The following TBC1D19 variants were observed in gnomAD, a reference collection of about 807,000 sequenced individuals.
The protein encoded by TBC1D19 is TBC1 domain family, member 19.
A neutral mutation model predicts 89.0 loss-of-function variants in TBC1D19; 60 were observed. The observed-to-expected ratio is 0.67, with a 90% CI of 0.55 to 0.84. TBC1D19 has a LOEUF of 0.84. Among genes scored for constraint, TBC1D19 ranks in the 40% least tolerant of loss-of-function variants. TBC1D19 has a pLI of 0.00. For missense variants in TBC1D19, 500 were observed against 610.8 expected (o/e 0.82, Z 1.91); for synonymous variants, 189 against 199.7 (o/e 0.95, Z 0.45).
the TBC1D19 span, among the ~76,000 whole-genome samples, chr4:26,840,484 G>A: frequency 2.6e-5 from 4 of 152,158 alleles, no homozygotes; most frequent in East Asian, 3.9e-4. Context: ...ATGAGTCTAT[G>A]GTTCTCTTGC....
the TBC1D19 span, among the ~76,000 whole-genome samples, chr4:26,856,824 C>T: frequency 6.6e-6 from 1 of 150,440 alleles, no homozygotes; most frequent in Non-Finnish European, 1.5e-5. Flanking sequence ...CAGTATAGAG[C>T]AAACACATCC....
chr4:26,748,625 C>T, intron 19 of TBC1D19, 99 bp downstream of exon 19: 1 of 888,042 alleles, frequency 1.1e-6, no homozygotes, highest in Non-Finnish European at 1.8e-6. Flanking sequence ...TTATTTGTCA[C>T]TTCTAATTCA....
At chr4:26,754,230 C>A in intron 20 of TBC1D19, 1 of 205,048 alleles carries the variant, frequency 4.9e-6, no homozygotes, top group Non-Finnish European at 1.0e-5. Flanking sequence ...AGAAGAAAAA[C>A]CACTTGAGAG....
chr4:26,590,827 T>TTTTTGG (rs1739743499), intron 1 of TBC1D19, among the ~76,000 whole-genome samples: 2 of 124,044 alleles, frequency 1.6e-5, no homozygotes, highest in African/African-American at 5.7e-5. Context: ...TTTTTTTTTT[T>TTTTTGG]GTGAGTCAGT....
intron 15 of TBC1D19, among the ~76,000 whole-genome samples, chr4:26,726,522 T>C (rs968496150): frequency 5.3e-5 from 8 of 152,206 alleles, no homozygotes; most frequent in African/African-American, 1.9e-4. Context: ...TCCTATGTTT[T>C]GTGAAATTTT....
chr4:26,654,225 G>A (rs541259872), intron 7 of TBC1D19, among the ~76,000 whole-genome samples: 3 of 152,202 alleles, frequency 2.0e-5, no homozygotes, highest in African/African-American at 4.8e-5. Flanking sequence ...GGCTTGTAGA[G>A]TTGCTGCTGA....
intron 7 of TBC1D19, among the ~76,000 whole-genome samples, chr4:26,657,062 C>CTTG (rs1422085956): frequency 7.8e-6 from 1 of 128,774 alleles, no homozygotes; most frequent in African/African-American, 2.9e-5. Context: ...TCTTGTTCTT[C>CTTG]TTCTTCTTCT....
chr4:26,769,655 A>T, the TBC1D19 span, among the ~76,000 whole-genome samples: 1 of 151,522 alleles, frequency 6.6e-6, no homozygotes, highest in Non-Finnish European at 1.5e-5. Flanking sequence ...CAATCCGCCC[A>T]CCTCAGCCTC....
At chr4:26,725,680 T>G (rs903319712) in intron 15 of TBC1D19, among the ~76,000 whole-genome samples, 4 of 152,164 alleles carry the variant, frequency 2.6e-5, no homozygotes, top group Non-Finnish European at 5.9e-5. Flanking sequence ...CCTAAATTTC[T>G]GGGATTACAA....
chr4:26,741,213 T>A (rs970036590), intron 17 of TBC1D19, among the ~76,000 whole-genome samples: 2 of 151,494 alleles, frequency 1.3e-5, no homozygotes, highest in African/African-American at 2.4e-5. Flanking sequence ...AAAATTAGCC[T>A]GGCGCGGTGG....
chr4:26,637,144 CT>C, intron 4 of TBC1D19, 66 bp from the exon 5 acceptor site: 1 of 1,144,114 alleles, frequency 8.7e-7, no homozygotes, highest in Non-Finnish European at 1.3e-6. Flanking sequence ...TTTGTAATAT[CT>C]TTAATTTTTT....
intron 13 of TBC1D19, among the ~76,000 whole-genome samples, chr4:26,701,237 A>G (rs1715305522): frequency 6.6e-6 from 1 of 152,192 alleles, no homozygotes; most frequent in African/African-American, 2.4e-5. Context: ...AAATATATTC[A>G]GAGAGCCAAA....
At chr4:26,657,313 C>T (rs1351077234) in intron 7 of TBC1D19, among the ~76,000 whole-genome samples, 1 of 151,948 alleles carries the variant, frequency 6.6e-6, no homozygotes, top group Non-Finnish European at 1.5e-5. Flanking sequence ...TCAACTCTCA[C>T]TTATGAGTGA....
At chr4:26,726,348 T>A (rs542858396) in intron 15 of TBC1D19, among the ~76,000 whole-genome samples, 3 of 152,268 alleles carry the variant, frequency 2.0e-5, no homozygotes, top group Admixed American at 2.0e-4. Flanking sequence ...CTTGCAAGTG[T>A]CAAATTAATA....
chr4:26,826,349 A>T, the TBC1D19 span, among the ~76,000 whole-genome samples: 1 of 152,200 alleles, frequency 6.6e-6, no homozygotes, highest in Non-Finnish European at 1.5e-5. Context: ...CTGGATACAT[A>T]TTCAGTGACA....
chr4:26,627,427 A>G (rs1742492776), intron 4 of TBC1D19, among the ~76,000 whole-genome samples: 1 of 152,096 alleles, frequency 6.6e-6, no homozygotes, highest in Non-Finnish European at 1.5e-5. Flanking sequence ...GCTGGGTCAA[A>G]TGGTATTTCT....
At chr4:26,780,622 T>C in the TBC1D19 span, among the ~76,000 whole-genome samples, 1 of 152,202 alleles carries the variant, frequency 6.6e-6, no homozygotes, top group African/African-American at 2.4e-5. Context: ...CTACCCACAG[T>C]GCAATCTGTT....
the TBC1D19 span, among the ~76,000 whole-genome samples, chr4:26,784,197 G>A: frequency 6.6e-6 from 1 of 152,150 alleles, no homozygotes; most frequent in African/African-American, 2.4e-5. Context: ...CACTAAGGTA[G>A]GGGTAGAGAA....
intron 1 of TBC1D19, among the ~76,000 whole-genome samples, chr4:26,596,844 T>C (rs1185460292): frequency 6.6e-6 from 1 of 152,192 alleles, no homozygotes; most frequent in Non-Finnish European, 1.5e-5. Context: ...TTCTAATATT[T>C]AACTCAAGGG....
Sources: allele counts gnomAD v4.1 joint callset (sites outside exome capture counted in the v4.1 genomes callset), GRCh38; gene constraint gnomAD v4.1.1; transcripts MANE v1.5; gene names NCBI Gene and HGNC (gene_info 2026-07-23, HGNC 2026-07-21).